The following NELL2 variants were observed in gnomAD, a reference collection of about 807,000 sequenced individuals.
NELL2 encodes the protein neural EGFL like 2.
In NELL2, 41 loss-of-function variants were observed where a neutral mutation model predicts 109.6. The observed-to-expected ratio is 0.37, with a 90% CI of 0.29 to 0.49. The LOEUF is 0.49. Ranked by LOEUF, NELL2 falls within the 20% of genes least tolerant of loss-of-function variation. The pLI is 0.98. For synonymous variants in NELL2, 355 were observed against 344.7 expected (o/e 1.03, Z -0.33); for missense variants, 900 against 1,008.3 (o/e 0.89, Z 1.45).
intron 12 of NELL2, among the ~76,000 whole-genome samples, chr12:44,696,154 GA>G (rs1488946260): frequency 6.6e-6 from 1 of 152,226 alleles, no homozygotes; most frequent in Non-Finnish European, 1.5e-5. Flanking sequence ...AGACAGGAAT[GA>G]GGTGGGAGAA....
intron 13 of NELL2, among the ~76,000 whole-genome samples, chr12:44,649,346 T>C (rs187643115): frequency 9.3e-4 from 142 of 152,184 alleles, no homozygotes; most frequent in African/African-American, 3.1e-3. Flanking sequence ...CCCCTACCAC[T>C]ACAGAAGCCA....
intron 9 of NELL2, among the ~76,000 whole-genome samples, chr12:44,740,325 C>T (rs748393490): frequency 4.6e-5 from 7 of 152,010 alleles, no homozygotes; most frequent in Non-Finnish European, 1.0e-4. Context: ...GATATAATTC[C>T]TATAATTGTT....
At chr12:44,642,766 C>T (rs1403667217) in intron 13 of NELL2, among the ~76,000 whole-genome samples, 2 of 152,114 alleles carry the variant, frequency 1.3e-5, no homozygotes, top group Non-Finnish European at 2.9e-5. Context: ...CCTGTAATCC[C>T]AGCTACTTGG....
At chr12:44,545,750 T>TA (rs1942768820) in intron 15 of NELL2, among the ~76,000 whole-genome samples, 1 of 152,072 alleles carries the variant, frequency 6.6e-6, no homozygotes, top group African/African-American at 2.4e-5. Context: ...AGCAGAGTTT[T>TA]AAAAAAATCA....
intron 9 of NELL2, among the ~76,000 whole-genome samples, chr12:44,768,654 T>C (rs533657756): frequency 1.3e-5 from 2 of 152,308 alleles, no homozygotes; most frequent in East Asian, 3.9e-4. Context: ...TTTTTTGCTG[T>C]GTCATAAAAT....
rs56341304 is a variant in NELL2 at position 44,519,070 on chromosome 12, G to A, written c.2400+935C>T. Among the ~76,000 whole-genome samples the A allele has an allele frequency of 6.4e-3, 977 of 152,214 alleles. 14 individuals are homozygous for A. Among genetic ancestry groups the A allele is most frequent in the African/African-American group, 0.023 (946 of 41,534 alleles). ...CTTCAATCTACTCTGGTAAGAATTTGTAGTAAGTGAATCTGAATTAAATTG... is the reference window on the plus strand; with the variant it reads ...CTTCAATCTACTCTGGTAAGAATTTATAGTAAGTGAATCTGAATTAAATTG... On this transcript the variant is annotated intron_variant, in intron 19 of 19. Coordinates refer to ENST00000429094, the MANE Select transcript of NELL2 (RefSeq NM_001145108.2).
intron 9 of NELL2, among the ~76,000 whole-genome samples, chr12:44,757,934 G>A (rs1940959016): frequency 6.6e-6 from 1 of 151,966 alleles, no homozygotes; most frequent in Non-Finnish European, 1.5e-5. Flanking sequence ...GTGGGAACTG[G>A]GTTGAAAAAG....
At chr12:44,661,207 A>G (rs1370094473) in intron 13 of NELL2, among the ~76,000 whole-genome samples, 1 of 152,238 alleles carries the variant, frequency 6.6e-6, no homozygotes, top group Non-Finnish European at 1.5e-5. Flanking sequence ...ACATGCAGGC[A>G]GCCCATCCTA....
intron 9 of NELL2, among the ~76,000 whole-genome samples, chr12:44,727,582 G>A (rs1939149231): frequency 1.3e-5 from 2 of 152,008 alleles, no homozygotes; most frequent in African/African-American, 2.4e-5. Context: ...GAGAAAAAGA[G>A]AAAAATGAAA....
At chr12:44,798,660 A>G (rs1019458728) in intron 3 of NELL2, among the ~76,000 whole-genome samples, 3 of 152,000 alleles carry the variant, frequency 2.0e-5, no homozygotes, top group Admixed American at 6.5e-5. Context: ...ACAAGTACAT[A>G]TATCTAACAT....
intron 14 of NELL2, among the ~76,000 whole-genome samples, chr12:44,610,060 G>T (rs943731682): frequency 2.6e-5 from 4 of 151,936 alleles, no homozygotes; most frequent in African/African-American, 9.7e-5. Context: ...TTAATGGATT[G>T]TGGTGAACTA....
intron 13 of NELL2, among the ~76,000 whole-genome samples, chr12:44,649,061 C>A (rs575248603): frequency 6.6e-6 from 1 of 151,922 alleles, no homozygotes; most frequent in African/African-American, 2.4e-5. Flanking sequence ...CCACTGTGCC[C>A]GGCCACAATG....
chr12:44,761,576 CA>C (rs150825113), intron 9 of NELL2, among the ~76,000 whole-genome samples: 9,208 of 152,122 alleles, frequency 0.061, 411 homozygotes, highest in Non-Finnish European at 0.093. Context: ...AAATATATAG[CA>C]GGACTATTCA....
intron 9 of NELL2, among the ~76,000 whole-genome samples, chr12:44,722,901 A>T (rs73278127): frequency 0.075 from 11,421 of 152,110 alleles, 1,388 homozygotes; most frequent in African/African-American, 0.26. Flanking sequence ...TTAAAATTCA[A>T]TGCCTGGCCA....
At chr12:44,765,885 G>A (rs1419926931) in intron 9 of NELL2, among the ~76,000 whole-genome samples, 1 of 152,156 alleles carries the variant, frequency 6.6e-6, no homozygotes, top group African/African-American at 2.4e-5. Context: ...AGCACTTTGG[G>A]AGGCCGAGGT....
In NELL2 at chr12:44,813,319, C is replaced by A. The variant is rs550067174; in HGVS notation, c.335+2667G>T. Among the ~76,000 whole-genome samples, 14 of 152,228 alleles carry A rather than the reference C, an allele frequency of 9.2e-5. No individual in the cohort carries two copies. The East Asian group carries it at 2.5e-3, about 27-fold the overall frequency. On this transcript the variant is annotated intron_variant, in intron 3 of 19. Transcript: ENST00000429094. The stretch of plus-strand genomic sequence containing the variant: ...CAGCAAATGAAAGTGCCTTACAAAT[C>A]TAAATTATTTTCCACATCATAGAAT...
intron 12 of NELL2, among the ~76,000 whole-genome samples, chr12:44,666,588 C>A (rs36054479): frequency 0.16 from 25,091 of 152,112 alleles, 2,171 homozygotes; most frequent in East Asian, 0.21. Context: ...CTATGTTCCC[C>A]GCCCTGAGAA....
rs377619056 is a variant in NELL2, at chr12:44,792,174, T to C, written c.336-12152A>G. The stretch of plus-strand genomic sequence containing the variant: ...TGGATTTAGCAAAATTCAGAGATTA[T>C]GCTATTTCAGAAAACTTTTTAGGGG... On this transcript the variant is annotated intron_variant, in intron 3 of 19. Coordinates refer to ENST00000429094, the MANE Select transcript of NELL2 (RefSeq NM_001145108.2). Among the ~76,000 whole-genome samples, 29 of 152,316 alleles carry C rather than the reference T, an allele frequency of 1.9e-4. No homozygotes were observed. The East Asian group carries it at 3.3e-3, about 17-fold the overall frequency.
At chr12:44,518,390 A>G (rs1328451241) in intron 19 of NELL2, among the ~76,000 whole-genome samples, 1 of 151,946 alleles carries the variant, frequency 6.6e-6, no homozygotes, top group African/African-American at 2.4e-5. Context: ...GACTACAGGC[A>G]CCCACCACCA....
Sources: allele counts gnomAD v4.1 joint callset (sites outside exome capture counted in the v4.1 genomes callset), GRCh38; gene constraint gnomAD v4.1.1; transcripts MANE v1.5; gene names NCBI Gene and HGNC (gene_info 2026-07-23, HGNC 2026-07-21).